Variants in TP63 observed in about 807,000 individuals in gnomAD.
The protein encoded by TP63 is tumor protein p63.
A neutral mutation model predicts 82.8 loss-of-function variants in TP63; 17 were observed. The ratio of observed to expected loss-of-function variants is 0.21; its 90% confidence interval spans 0.14 to 0.31. The LOEUF is 0.31. Ranked by LOEUF, TP63 falls within the 10% of genes least tolerant of loss-of-function variation. The pLI is 1.00. For synonymous variants in TP63, 330 were observed against 321.7 expected (o/e 1.03, Z -0.28); for missense variants, 648 against 895.3 (o/e 0.72, Z 3.52).
At chr3:189,803,482 T>G (rs1041572157) in intron 3 of TP63, among the ~76,000 whole-genome samples, 10 of 152,228 alleles carry the variant, frequency 6.6e-5, no homozygotes, top group Non-Finnish European at 1.5e-5. Context: ...TAAATCCAAT[T>G]ATTTAATATT....
chr3:189,691,338 C>CAAAAAAAAAAAAAAAAA (rs781098833), intron 1 of TP63, among the ~76,000 whole-genome samples: 55 of 67,024 alleles, frequency 8.2e-4, no homozygotes, highest in Non-Finnish European at 1.0e-3. Context: ...GACTCCATCT[C>CAAAAAAAAAAAAAAAAA]AAAAAAAAAA....
chr3:189,837,628 G>T (rs952242805), intron 4 of TP63, among the ~76,000 whole-genome samples: 1 of 152,084 alleles, frequency 6.6e-6, no homozygotes, highest in African/African-American at 2.4e-5. Flanking sequence ...GGAATCCCAT[G>T]CAATAGTTAT....
intron 1 of TP63, among the ~76,000 whole-genome samples, chr3:189,661,977 T>C (rs1713925020): frequency 6.6e-6 from 1 of 152,094 alleles, no homozygotes; most frequent in Non-Finnish European, 1.5e-5. Context: ...TTAATCTAGC[T>C]AGAGTCTATC....
At chr3:189,621,457 C>G in the TP63 span, among the ~76,000 whole-genome samples, 2 of 151,898 alleles carry the variant, frequency 1.3e-5, no homozygotes, top group African/African-American at 4.8e-5. Flanking sequence ...TATATACACA[C>G]ATACACACAT....
intron 1 of TP63, among the ~76,000 whole-genome samples, chr3:189,660,352 G>T (rs926744116): frequency 6.6e-6 from 1 of 151,934 alleles, no homozygotes; most frequent in African/African-American, 2.4e-5. Flanking sequence ...AGATCATATG[G>T]CTATAGGTGT....
In TP63 at chr3:189,638,019, G is replaced by A. The variant is rs149151084; in HGVS notation, c.62+6442G>A. Among the ~76,000 whole-genome samples, 43 of 152,180 alleles carry A rather than the reference G, an allele frequency of 2.8e-4. No individual in the cohort carries two copies. The East Asian group carries it at 5.4e-3, about 19-fold the overall frequency. ...GGAAGCTGGAAAGGGCAAGGAAACC[G>A]ATTTTCTCCTACAGTCTCCAAAAGC... On this transcript the variant is annotated intron_variant, in intron 1 of 13. Transcript: ENST00000264731.
chr3:189,637,380 A>G (rs2108611689), intron 1 of TP63, among the ~76,000 whole-genome samples: 1 of 152,256 alleles, frequency 6.6e-6, no homozygotes, highest in Non-Finnish European at 1.5e-5. Flanking sequence ...CTGCCTTCCA[A>G]CAATTGTGTC....
chr3:189,739,934 C>G (rs1466708788), intron 3 of TP63, among the ~76,000 whole-genome samples: 3 of 151,818 alleles, frequency 2.0e-5, no homozygotes, highest in Non-Finnish European at 2.9e-5. Context: ...TTTTAAAATG[C>G]CTTACCTTGT....
intron 3 of TP63, among the ~76,000 whole-genome samples, chr3:189,775,339 C>G (rs192849909): frequency 6.6e-6 from 1 of 151,740 alleles, no homozygotes; most frequent in Non-Finnish European, 1.5e-5. Context: ...CATCTTCAAA[C>G]TCATTCTGCC....
At chr3:189,795,523 G>A (rs1439612874) in intron 3 of TP63, among the ~76,000 whole-genome samples, 3 of 151,948 alleles carry the variant, frequency 2.0e-5, no homozygotes, top group Non-Finnish European at 4.4e-5. Flanking sequence ...TGGCGTGAGG[G>A]GAGGAAAGAC....
rs1183491253 is a variant in TP63 at position 189,897,213 on chromosome 3, A to G, written c.*2711A>G. 4.7e-6 allele frequency: 1 copy of G among 211,388 alleles called. No homozygotes were observed. The highest frequency in any genetic ancestry group is 5.9e-5 in the Admixed American group (1 of 16,982). The allele number at this position is 211,388 out of a possible 1,614,324, so 13.1% of individuals were successfully genotyped here. On this transcript the variant is annotated 3_prime_UTR_variant, in exon 14 of 14. Coordinates refer to ENST00000264731, the MANE Select transcript of TP63 (RefSeq NM_003722.5). ...TTGGGGAGCCAGAAGCCAATCTACA[A>G]TCTCTTTTTGTTTGCCAGGACATGC...
At chr3:189,629,380 C>T (rs759587297), upstream of TP63, among the ~76,000 whole-genome samples, 8 of 151,758 alleles carry the variant, frequency 5.3e-5, no homozygotes, top group South Asian at 2.1e-4. Context: ...AAGAAGCTGT[C>T]TCAAAAATAA....
intron 3 of TP63, among the ~76,000 whole-genome samples, chr3:189,772,341 A>G (rs1208937832): frequency 6.6e-6 from 1 of 152,214 alleles, no homozygotes; most frequent in East Asian, 1.9e-4. Flanking sequence ...CTTAGATCGC[A>G]TTGCTAATTG....
At chr3:189,771,936 G>A (rs957456440) in intron 3 of TP63, among the ~76,000 whole-genome samples, 4 of 151,112 alleles carry the variant, frequency 2.6e-5, no homozygotes, top group Middle Eastern at 3.4e-3. Flanking sequence ...AATGGGATTC[G>A]ATAGCATTTC....
At chr3:189,826,013 A>G (rs779555677) in intron 4 of TP63, among the ~76,000 whole-genome samples, 4 of 152,116 alleles carry the variant, frequency 2.6e-5, no homozygotes, top group Non-Finnish European at 1.5e-5. Flanking sequence ...TACATGGAGG[A>G]CAGGGCAGAA....
In TP63 at chr3:189,766,813, A is replaced by G. The variant is rs146636415; in HGVS notation, c.324+28039A>G. The stretch of plus-strand genomic sequence containing the variant: ...TTGAAACAGCAACAGTAACAAAAAC[A>G]GAAACAATTAGGGCAACAGTTGCTT... On this transcript the variant is annotated intron_variant, in intron 3 of 13. Transcript: ENST00000264731. Among the ~76,000 whole-genome samples the G allele has an allele frequency of 2.0e-3, 304 of 152,354 alleles. 1 individual carries two copies. Among genetic ancestry groups the G allele is most frequent in the African/African-American group, 7.0e-3 (292 of 41,580 alleles).
chr3:189,682,045 C>T (rs1715958773), intron 1 of TP63, among the ~76,000 whole-genome samples: 1 of 152,066 alleles, frequency 6.6e-6, no homozygotes, highest in Admixed American at 6.6e-5. Flanking sequence ...CCAGCCTGGC[C>T]AACATGGTGA....
chr3:189,659,711 T>C (rs1436404064), intron 1 of TP63, among the ~76,000 whole-genome samples: 1 of 151,976 alleles, frequency 6.6e-6, no homozygotes, highest in African/African-American at 2.4e-5. Flanking sequence ...CTAGGCAGCA[T>C]TTGTTACTTT....
chr3:189,718,301 C>A (rs1047214539), intron 1 of TP63, among the ~76,000 whole-genome samples: 8 of 61,518 alleles, frequency 1.3e-4, no homozygotes, highest in African/African-American at 4.2e-4. Context: ...CTATAAAGGA[C>A]TACCTGAGAC....
Sources: gnomAD v4.1 joint callset for allele counts (sites outside exome capture counted in the v4.1 genomes callset) on GRCh38, gnomAD v4.1.1 for gene constraint, MANE v1.5 for transcripts, NCBI Gene and HGNC (gene_info 2026-07-23, HGNC 2026-07-21) for gene names.